ERCC2: variants seen among roughly 807,000 people sequenced by gnomAD.
ERCC2 encodes the protein general transcription and DNA repair factor IIH helicase subunit XPD.
A neutral mutation model predicts 99.4 loss-of-function variants in ERCC2; 90 were observed. The ratio of observed to expected loss-of-function variants is 0.91; its 90% confidence interval spans 0.76 to 1.08. The LOEUF is 1.08. ERCC2 is among the 50% of genes least tolerant of loss of function. The pLI is 0.00. For missense variants in ERCC2, 993 were observed against 1,038.1 expected (o/e 0.96, Z 0.60); for synonymous variants, 497 against 432.4 (o/e 1.15, Z -1.85).
rs372960848 is a variant in ERCC2 at position 45,352,781 on chromosome 19, C to T, written c.1867G>A (p.Val623Ile). The change falls in exon 20 of 23, where the codon GTC becomes ATC. Residue 623 changes from valine to isoleucine, a missense_variant. Coordinates refer to ENST00000391945, the MANE Select transcript of ERCC2 (RefSeq NM_000400.4). The part of the protein sequence containing the change: ...HYGRAVIMFG[V>I]PYVYTQSRIL... ...CGGCTCTGTGTGTAGACGTAGGGGACGCCAAACATGATGACGGCCCGCCCG... is the reference window on the plus strand; with the variant it reads ...CGGCTCTGTGTGTAGACGTAGGGGATGCCAAACATGATGACGGCCCGCCCG... 95 of 1,608,968 alleles carry T rather than the reference C, an allele frequency of 5.9e-5. No individual in the cohort carries two copies. The highest frequency in any genetic ancestry group is 7.0e-5 in the Non-Finnish European group (82 of 1,177,938).
intron 12 of ERCC2, chr19:45,358,400 C>G (rs1401231570): frequency 4.8e-6 from 1 of 210,476 alleles, no homozygotes; most frequent in South Asian, 7.9e-5. Flanking sequence ...GCCCACTGCC[C>G]CCGACCCCAC....
Position 45,364,340 on chromosome 19 carries a change from G to C in ERCC2, c.719-9C>G, listed in dbSNP as rs775776276. 2 of 1,613,840 alleles carry C rather than the reference G, an allele frequency of 1.2e-6. No individual in the cohort carries two copies. The highest frequency in any genetic ancestry group is 1.7e-6 in the Non-Finnish European group (2 of 1,180,000). ...GTCGATGCAGACGTTGTCTGGAGAA[G>C]GGGGAGAGAGCCGGCTCAGGCAGGC... On this transcript the variant is annotated splice_polypyrimidine_tract_variant and intron_variant, in intron 8 of 22. Transcript: ENST00000391945.
Position 45,352,659 on chromosome 19 carries a change from C to T in ERCC2, c.1903-10G>A, listed in dbSNP as rs377105559. ...GGTATTCCAGCCGCGCCTGCAGATA[C>T]GGAGGATGAGAAGCTGGGGAGGTGG... On this transcript the variant is annotated splice_polypyrimidine_tract_variant and intron_variant, in intron 20 of 22. Coordinates refer to ENST00000391945, the MANE Select transcript of ERCC2 (RefSeq NM_000400.4). 1.8e-5 allele frequency: 29 copies of T among 1,613,850 alleles called. 1 individual carries two copies. The highest frequency in any genetic ancestry group is 5.0e-5 in the Admixed American group (3 of 60,008).
chr19:45,357,737 C>CT (rs1972062853), intron 12 of ERCC2, 38 bp from the exon 13 acceptor site: 1 of 1,578,084 alleles, frequency 6.3e-7, no homozygotes, highest in Non-Finnish European at 8.7e-7. Context: ...GATTACCCCA[C>CT]TACAGCCACA....
chr19:45,366,625 T>TCA (rs1233956499), intron 5 of ERCC2, among the ~76,000 whole-genome samples: 1 of 152,164 alleles, frequency 6.6e-6, no homozygotes, highest in Non-Finnish European at 1.5e-5. Context: ...TAAGGCACCA[T>TCA]CACAGCCTAA....
At position 45,370,304 on chromosome 19, in the gene ERCC2, C is replaced by CG. The variant is rs1327801505; in HGVS notation, c.6-73dup. ...TCCCGCCTCCACAGTGCCCGGTCGT[C>CG]GAGCCCAGAGAAGGGTGACGGGCCC... On this transcript the variant is annotated intron_variant, in intron 1 of 22. Coordinates refer to ENST00000391945, the MANE Select transcript of ERCC2 (RefSeq NM_000400.4). 6 of 1,582,816 alleles carry CG rather than the reference C, an allele frequency of 3.8e-6. No homozygotes were observed. In the East Asian group the frequency reaches 1.4e-4, roughly 36 times the overall value.
Position 45,350,082 on chromosome 19 carries a change from CCAGGG to C in ERCC2, c.*1542_*1546del, listed in dbSNP as rs1282607751. On this transcript the variant is annotated 3_prime_UTR_variant, in exon 23 of 23. Coordinates refer to ENST00000391945, the MANE Select transcript of ERCC2 (RefSeq NM_000400.4). ...GGCCGAGCTCCAAACCCACTCTGCC[CCAGGG>C]CAAGGCTTTAGGCAGGGGAAGGATA... is the stretch of plus-strand genomic sequence containing the variant. The C allele has an allele frequency of 2.0e-6, 1 of 512,612 alleles. No individual in the cohort carries two copies. Among genetic ancestry groups the C allele is most frequent in the Non-Finnish European group, 3.5e-6 (1 of 286,526 alleles). The allele number at this position is 512,612 out of a possible 1,614,324, so 31.8% of individuals were successfully genotyped here.
At chr19:45,370,296 C>T in intron 1 of ERCC2, 64 bp from the exon 2 acceptor site, 1 of 1,588,234 alleles carries the variant, frequency 6.3e-7, no homozygotes, top group Admixed American at 1.7e-5. Context: ...TCCACAGTGC[C>T]CGGTCGTCGA....
At chr19:45,369,817 A>C (rs1173251949) in intron 2 of ERCC2, among the ~76,000 whole-genome samples, 1 of 152,062 alleles carries the variant, frequency 6.6e-6, no homozygotes, top group African/African-American at 2.4e-5. Flanking sequence ...GTGGGATTAC[A>C]GGCGCCCGCC....
At chr19:45,358,018 A>G (rs529521069) in intron 12 of ERCC2, 2 of 484,696 alleles carry the variant, frequency 4.1e-6, no homozygotes, top group South Asian at 4.4e-5. Context: ...GCCAGGAGCC[A>G]GAGCCTCAAG....
intron 11 of ERCC2, 35 bp from the exon 12 acceptor site, chr19:45,361,677 C>G: frequency 6.8e-7 from 1 of 1,479,580 alleles, no homozygotes; most frequent in Non-Finnish European, 9.4e-7. Context: ...GGGGGGCAGA[C>G]GGAAGCATGA....
chr19:45,362,265 C>T (rs1972250971), intron 11 of ERCC2, among the ~76,000 whole-genome samples: 1 of 152,154 alleles, frequency 6.6e-6, no homozygotes, highest in Admixed American at 6.6e-5. Flanking sequence ...ACAATCACAC[C>T]CAGAACCCCC....
At chr19:45,369,337 C>T (rs887284536) in intron 2 of ERCC2, among the ~76,000 whole-genome samples, 190 bp from the exon 3 acceptor site, 7 of 152,090 alleles carry the variant, frequency 4.6e-5, no homozygotes, top group Admixed American at 4.6e-4. Context: ...TAGGCAAGTA[C>T]CTTCACCTCC....
chr19:45,369,044 C>G, intron 3 of ERCC2, 26 bp downstream of exon 3: 1 of 1,614,100 alleles, frequency 6.2e-7, no homozygotes, highest in Non-Finnish European at 8.5e-7. Context: ...CTTTGTCTGC[C>G]TTTACGGGTT....
At chr19:45,363,472 A>T (rs1247097083) in intron 11 of ERCC2, among the ~76,000 whole-genome samples, 1 of 151,972 alleles carries the variant, frequency 6.6e-6, no homozygotes, top group East Asian at 1.9e-4. Context: ...CCCCTCTGTA[A>T]ATGGTGCTCC....
chr19:45,361,933 CTTTT>C lies in ERCC2; in HGVS notation c.1119-295_1119-292del, dbSNP rs3916823. On this transcript the variant is annotated intron_variant, in intron 11 of 22. Transcript: ENST00000391945. ...GACCTCCTAAGTGGGTTCTTTTTTT[CTTTT>C]TCTTTTTTTTCTTTGTTCAGATGGA... 0.12 allele frequency: 47,748 copies of C among 400,922 alleles called. 3,405 individuals carry two copies. Among genetic ancestry groups the C allele is most frequent in the Non-Finnish European group, 0.14 (29,522 of 210,052 alleles). The allele number at this position is 400,922 out of a possible 1,614,324, so 24.8% of individuals were successfully genotyped here.
In ERCC2 at chr19:45,352,563, A is replaced by G; in HGVS notation, c.1989T>C (p.Cys663=). 1.2e-6 allele frequency: 2 copies of G among 1,614,102 alleles called. No homozygotes were observed. Among genetic ancestry groups the G allele is most frequent in the Non-Finnish European group, 1.7e-6 (2 of 1,180,034 alleles). The part of the protein sequence containing the change: ...TFDAMRHAAQ[C]VGRAIRGKTD... ...TCTTGCCCCTGATGGCCCGACCCAC[A>G]CACTGGGCCGCGTGGCGCATGGCAT... Residue 663 remains cysteine (C), a synonymous_variant, in exon 21 of 23, where the codon TGT becomes TGC. Transcript: ENST00000391945.
At chr19:45,363,958 TG>T (rs766117419) in intron 10 of ERCC2, 27 bp downstream of exon 10, 2 of 1,531,856 alleles carry the variant, frequency 1.3e-6, no homozygotes, top group Admixed American at 2.0e-5. Flanking sequence ...GGAAAGGGAC[TG>T]GGGGGCAGCG....
At chr19:45,364,364 G>GC in intron 8 of ERCC2, 33 bp from the exon 9 acceptor site, 3 of 1,613,854 alleles carry the variant, frequency 1.9e-6, no homozygotes, top group South Asian at 1.1e-5. Flanking sequence ...GCTCAGGCAG[G>GC]CCTGCAGGGG....
Sources: gnomAD v4.1 joint callset for allele counts (sites outside exome capture counted in the v4.1 genomes callset) on GRCh38, gnomAD v4.1.1 for gene constraint, MANE v1.5 for transcripts, NCBI Gene and HGNC (gene_info 2026-07-23, HGNC 2026-07-21) for gene names.